Variants in WDR49 observed in about 807,000 individuals in gnomAD.
WDR49 encodes the protein cilia- and flagella-associated protein 337.
A neutral mutation model predicts 119.5 loss-of-function variants in WDR49; 107 were observed. The observed-to-expected ratio is 0.90, with a 90% CI of 0.77 to 1.05. The LOEUF (loss-of-function observed/expected upper bound fraction) is 1.05. Ranked by LOEUF, WDR49 falls within the 50% of genes least tolerant of loss-of-function variation. The pLI, the probability that WDR49 is intolerant of heterozygous loss-of-function variation, is 0.00. For missense variants in WDR49, 1,240 were observed against 1,220.5 expected (o/e 1.02, Z -0.24); for synonymous variants, 425 against 418.8 (o/e 1.01, Z -0.18).
chr3:167,516,345 T>C (rs1038829038), intron 16 of WDR49, among the ~76,000 whole-genome samples: 24 of 149,268 alleles, frequency 1.6e-4, no homozygotes, highest in African/African-American at 4.4e-4. Context: ...TGAGAACATG[T>C]GGTGTTTGGT....
chr3:167,633,088 C>CGTGTGT (rs3061397), intron 2 of WDR49, among the ~76,000 whole-genome samples: 1,973 of 147,060 alleles, frequency 0.013, 42 homozygotes, highest in East Asian at 0.091. Context: ...TAGCCAAACT[C>CGTGTGT]GTGTGTGTGT....
intron 18 of WDR49, among the ~76,000 whole-genome samples, chr3:167,491,545 A>T (rs949763275): frequency 2.0e-5 from 3 of 152,132 alleles, no homozygotes; most frequent in Non-Finnish European, 4.4e-5. Flanking sequence ...TCCGTATTGC[A>T]GTAGGCTGAA....
intron 17 of WDR49, among the ~76,000 whole-genome samples, chr3:167,501,197 A>C (rs1751551673): frequency 1.3e-5 from 2 of 152,204 alleles, no homozygotes. Context: ...CCACTCTTTG[A>C]AAACTAATGT....
intron 16 of WDR49, among the ~76,000 whole-genome samples, chr3:167,507,176 G>A (rs1398892195): frequency 6.6e-6 from 1 of 152,098 alleles, no homozygotes; most frequent in Non-Finnish European, 1.5e-5. Flanking sequence ...TGGGGGGGTA[G>A]TTAATCATGA....
chr3:167,530,567 C>A (rs1752810783), intron 13 of WDR49, among the ~76,000 whole-genome samples: 1 of 151,234 alleles, frequency 6.6e-6, no homozygotes, highest in Admixed American at 6.6e-5. Context: ...ATAACCAATA[C>A]TTAAAAAAAA....
At chr3:167,569,788 G>A (rs1713825436) in intron 8 of WDR49, among the ~76,000 whole-genome samples, 1 of 152,110 alleles carries the variant, frequency 6.6e-6, no homozygotes, top group African/African-American at 2.4e-5. Flanking sequence ...TTGTTTAAGA[G>A]TAGAATAGCC....
chr3:167,506,801 GC>G (rs146830854), intron 16 of WDR49, among the ~76,000 whole-genome samples: 4,603 of 152,094 alleles, frequency 0.03, 215 homozygotes, highest in African/African-American at 0.11. Flanking sequence ...TTAGCCTCTG[GC>G]CTGTGACGAT....
At chr3:167,502,371 AACAAGAGTGGGGC>A (rs1751605439) in intron 17 of WDR49, among the ~76,000 whole-genome samples, 1 of 152,242 alleles carries the variant, frequency 6.6e-6, no homozygotes, top group South Asian at 2.1e-4. Context: ...GAAAATTGGT[AACAAGAGTGGGGC>A]ATTGCTATAA....
intron 7 of WDR49, among the ~76,000 whole-genome samples, chr3:167,581,521 T>C (rs1045118026): frequency 2.0e-5 from 3 of 152,206 alleles, no homozygotes; most frequent in African/African-American, 7.2e-5. Flanking sequence ...AGGTACATTG[T>C]GAGGATTGAA....
intron 8 of WDR49, chr3:167,575,347 G>T: frequency 1.0e-6 from 1 of 961,108 alleles, no homozygotes; most frequent in Non-Finnish European, 1.2e-6. Flanking sequence ...TGAGATGCAG[G>T]TAGTGGTCCC....
chr3:167,510,637 T>C (rs1488566240), intron 16 of WDR49, among the ~76,000 whole-genome samples: 1 of 152,156 alleles, frequency 6.6e-6, no homozygotes, highest in Non-Finnish European at 1.5e-5. Context: ...ACAAATAGTA[T>C]TATAAAATAC....
In WDR49 at chr3:167,536,779, T is replaced by C. The variant is rs1157704592; in HGVS notation, c.1954+91A>G. ...TACATATATATATATATAAAACAAC[T>C]GAGAAAAAGCTTTTCTAAAGGTGAG... On this transcript the variant is annotated intron_variant, in intron 11 of 18. Transcript: ENST00000682715. 5.8e-6 allele frequency: 6 copies of C among 1,028,426 alleles called. 1 individual carries two copies. The African/African-American group carries it at 7.2e-5, about 12-fold the overall frequency. 63.7% of individuals were successfully genotyped at this position (1,028,426 alleles called of 1,614,324 possible). A position where few individuals can be genotyped will look rare whatever the true frequency, so the allele number is the denominator to read the frequency against.
At chr3:167,584,421 T>C (rs1158269532) in intron 7 of WDR49, among the ~76,000 whole-genome samples, 1 of 152,070 alleles carries the variant, frequency 6.6e-6, no homozygotes, top group African/African-American at 2.4e-5. Flanking sequence ...GGGCTTTTCA[T>C]GGGAATGGGA....
At chr3:167,558,035 T>C (rs985822769) in intron 9 of WDR49, among the ~76,000 whole-genome samples, 10 of 152,040 alleles carry the variant, frequency 6.6e-5, no homozygotes, top group Non-Finnish European at 7.4e-5. Context: ...AGTAGGATCA[T>C]TTGAACCTAG....
chr3:167,614,422 C>A (rs1716500810), intron 5 of WDR49, among the ~76,000 whole-genome samples: 1 of 152,126 alleles, frequency 6.6e-6, no homozygotes, highest in African/African-American at 2.4e-5. Flanking sequence ...CATTCCCAGA[C>A]TACAGTTTCC....
chr3:167,536,707 A>G (rs1425926442), intron 11 of WDR49, among the ~76,000 whole-genome samples, 163 bp downstream of exon 11: 1 of 125,574 alleles, frequency 8.0e-6, no homozygotes. Flanking sequence ...ATATATATAC[A>G]CACACATATA....
intron 2 of WDR49, among the ~76,000 whole-genome samples, chr3:167,637,147 T>C (rs1717656917): frequency 6.6e-6 from 1 of 151,920 alleles, no homozygotes; most frequent in African/African-American, 2.4e-5. Context: ...AAGTCTTTGA[T>C]CCATCTTCAG....
chr3:167,531,308 A>G (rs1184602755), intron 12 of WDR49, 29 bp from the exon 13 acceptor site: 5 of 1,607,232 alleles, frequency 3.1e-6, no homozygotes, highest in Middle Eastern at 2.3e-4. Context: ...CAAGTATATT[A>G]ATGAAGAAAA....
rs1716022109 is a variant in WDR49 at position 167,605,598 on chromosome 3, T to C, written c.959-1130A>G. Among the ~76,000 whole-genome samples, 3 of 152,114 alleles carry C rather than the reference T, an allele frequency of 2.0e-5. No homozygotes were observed. The South Asian group carries it at 6.2e-4, about 31-fold the overall frequency. The stretch of plus-strand genomic sequence containing the variant: ...TTTAGTACATCATAAAGTGATAAAT[T>C]GAATGTTACAAAATGTATAATAGAA... On this transcript the variant is annotated intron_variant, in intron 5 of 18. Transcript: ENST00000682715.
Sources: gnomAD v4.1 joint callset for allele counts (sites outside exome capture counted in the v4.1 genomes callset) on GRCh38, gnomAD v4.1.1 for gene constraint, MANE v1.5 for transcripts, NCBI Gene and HGNC (gene_info 2026-07-23, HGNC 2026-07-21) for gene names.